EPHA6: variants seen among roughly 807,000 people sequenced by gnomAD.
EPHA6 encodes ephrin type-A receptor 6.
EPHA6 carries 50 observed loss-of-function variants against 112.0 expected under a neutral mutation model. That is an observed-to-expected ratio of 0.45 (90% CI 0.36 to 0.56). EPHA6 has a LOEUF of 0.56. EPHA6 is among the 20% of genes least tolerant of loss of function. The probability of loss-of-function intolerance (pLI) is 0.00; values close to 1 mark genes in which losing one functional copy is unlikely to be tolerated. For missense variants in EPHA6, 1,280 were observed against 1,417.4 expected (o/e 0.90, Z 1.56); for synonymous variants, 529 against 490.7 (o/e 1.08, Z -1.03).
At chr3:97,319,667 C>CAAAAAAAAAAAAAAA (rs1340197693) in intron 5 of EPHA6, among the ~76,000 whole-genome samples, 3 of 54,796 alleles carry the variant, frequency 5.5e-5, no homozygotes, top group African/African-American at 1.8e-4. Context: ...GAGATTGTCT[C>CAAAAAAAAAAAAAAA]AAAAAAAAAA....
intron 5 of EPHA6, among the ~76,000 whole-genome samples, chr3:97,395,735 A>G (rs1051484596): frequency 1.3e-5 from 2 of 151,620 alleles, no homozygotes; most frequent in African/African-American, 4.8e-5. Context: ...TTCCTGTCCT[A>G]AAAGAGGCAC....
chr3:96,847,494 A>G (rs1194561510), intron 1 of EPHA6, among the ~76,000 whole-genome samples: 1 of 152,056 alleles, frequency 6.6e-6, no homozygotes, highest in African/African-American at 2.4e-5. Context: ...TTGTCAAAAT[A>G]AAGTAATGTT....
chr3:97,635,727 T>C (rs1205259865), intron 13 of EPHA6, among the ~76,000 whole-genome samples: 1 of 152,094 alleles, frequency 6.6e-6, no homozygotes, highest in Non-Finnish European at 1.5e-5. Context: ...GAGTTGATTT[T>C]GGTGATAGTT....
chr3:97,589,358 T>G (rs1034995611), intron 11 of EPHA6, among the ~76,000 whole-genome samples: 7 of 152,044 alleles, frequency 4.6e-5, no homozygotes, highest in Non-Finnish European at 8.8e-5. Context: ...TCAGAATGCT[T>G]CCTCAGTTGA....
At chr3:97,525,483 T>G (rs1219787776) in intron 10 of EPHA6, among the ~76,000 whole-genome samples, 1 of 152,204 alleles carries the variant, frequency 6.6e-6, no homozygotes, top group Admixed American at 6.5e-5. Context: ...TTCCAGTAAT[T>G]TGTACATCTC....
chr3:97,611,280 A>T (rs912427036), intron 13 of EPHA6, among the ~76,000 whole-genome samples: 1 of 151,890 alleles, frequency 6.6e-6, no homozygotes, highest in African/African-American at 2.4e-5. Flanking sequence ...ACTCAAGTTC[A>T]TTTCAGAAAA....
rs2078848072 is a variant in EPHA6, at chr3:97,241,611, A to G, written c.1271-2341A>G. 2.0e-5 allele frequency among the ~76,000 whole-genome samples: 3 copies of G among 151,858 alleles called. No individual in the cohort carries two copies. The South Asian group carries it at 6.2e-4, about 31-fold the overall frequency. ...TTGTTCCAAGTTCTAAATCTTAGTA[A>G]ATGATTCACTGTATGTCATTACAGC... On this transcript the variant is annotated intron_variant, in intron 4 of 17. Transcript: ENST00000389672.
intron 13 of EPHA6, among the ~76,000 whole-genome samples, chr3:97,635,919 A>G (rs566779695): frequency 6.6e-6 from 1 of 152,216 alleles, no homozygotes; most frequent in South Asian, 2.1e-4. Context: ...TCATATATGT[A>G]GGAGCATATG....
chr3:97,443,244 T>C (rs2090200468), intron 6 of EPHA6, among the ~76,000 whole-genome samples: 2 of 151,798 alleles, frequency 1.3e-5, no homozygotes, highest in African/African-American at 4.8e-5. Context: ...TTAGATGACT[T>C]CTAGTGGAAC....
chr3:97,378,434 G>C (rs2085509434), intron 5 of EPHA6, among the ~76,000 whole-genome samples: 1 of 152,184 alleles, frequency 6.6e-6, no homozygotes, highest in African/African-American at 2.4e-5. Flanking sequence ...CCCACGCAGA[G>C]TCCCTCCCGG....
intron 1 of EPHA6, among the ~76,000 whole-genome samples, chr3:96,826,341 A>T (rs1012528165): frequency 6.6e-6 from 1 of 152,030 alleles, no homozygotes; most frequent in Non-Finnish European, 1.5e-5. Flanking sequence ...GACACTTGTG[A>T]TATAGATCCC....
At position 97,512,969 on chromosome 3, in the gene EPHA6, C is replaced by G. The variant is rs149733533; in HGVS notation, c.2201-19389C>G. On this transcript the variant is annotated intron_variant, in intron 10 of 17. Transcript: ENST00000389672. ...GTAAATGATATTCTCCCATGGTTGCCTTCTCAATTAACTATTGAAAATGTT... is the reference window on the plus strand; with the variant it reads ...GTAAATGATATTCTCCCATGGTTGCGTTCTCAATTAACTATTGAAAATGTT... Among the ~76,000 whole-genome samples the G allele has an allele frequency of 4.2e-3, 638 of 152,240 alleles. 6 individuals carry two copies. Among genetic ancestry groups the G allele is most frequent in the Middle Eastern group, 0.014 (4 of 292 alleles).
chr3:97,657,274 T>A (rs2094142835), intron 14 of EPHA6, among the ~76,000 whole-genome samples: 1 of 151,742 alleles, frequency 6.6e-6, no homozygotes, highest in Admixed American at 6.6e-5. Context: ...GAAACTATGT[T>A]TACTTTTAAA....
At chr3:97,632,129 C>T (rs916506201) in intron 13 of EPHA6, among the ~76,000 whole-genome samples, 6 of 152,000 alleles carry the variant, frequency 3.9e-5, no homozygotes, top group Admixed American at 2.0e-4. Flanking sequence ...CTTGTTCATT[C>T]GTGATCTTTG....
At chr3:97,423,149 G>A (rs1056627998) in intron 6 of EPHA6, among the ~76,000 whole-genome samples, 2 of 152,138 alleles carry the variant, frequency 1.3e-5, no homozygotes, top group Admixed American at 1.3e-4. Context: ...GGAAGTAGCA[G>A]CTAGAGTAAT....
intron 14 of EPHA6, among the ~76,000 whole-genome samples, chr3:97,701,618 G>A (rs897741504): frequency 6.8e-6 from 1 of 148,086 alleles, no homozygotes; most frequent in Non-Finnish European, 1.5e-5. Flanking sequence ...TCATATATAT[G>A]TATATATATA....
chr3:97,485,714 G>A (rs866179138), intron 10 of EPHA6, among the ~76,000 whole-genome samples: 2 of 152,202 alleles, frequency 1.3e-5, no homozygotes, highest in Non-Finnish European at 2.9e-5. Flanking sequence ...AAGAGTGATT[G>A]AATTATATTC....
At chr3:97,362,283 C>T (rs2084412772) in intron 5 of EPHA6, among the ~76,000 whole-genome samples, 1 of 151,904 alleles carries the variant, frequency 6.6e-6, no homozygotes, top group African/African-American at 2.4e-5. Context: ...TCAGTATTGC[C>T]AATCAGCTTA....
chr3:96,983,610 G>T (rs1440017681), intron 2 of EPHA6, among the ~76,000 whole-genome samples: 2 of 152,210 alleles, frequency 1.3e-5, no homozygotes, highest in Non-Finnish European at 2.9e-5. Flanking sequence ...GCCTTGCTAG[G>T]TTGGGGAGGT....
Sources: gnomAD v4.1 joint callset for allele counts (sites outside exome capture counted in the v4.1 genomes callset) on GRCh38, gnomAD v4.1.1 for gene constraint, MANE v1.5 for transcripts, NCBI Gene and HGNC (gene_info 2026-07-23, HGNC 2026-07-21) for gene names.